Variants in LAMA3 observed in about 807,000 individuals in gnomAD.
LAMA3 encodes the protein laminin subunit alpha-3.
A neutral mutation model predicts 402.0 loss-of-function variants in LAMA3; 281 were observed. That is an observed-to-expected ratio of 0.70 (90% CI 0.63 to 0.77). LAMA3 has a LOEUF of 0.77. LAMA3 is among the 30% of genes least tolerant of loss of function. The pLI is 0.00. For missense variants in LAMA3, 3,840 were observed against 4,215.5 expected (o/e 0.91, Z 2.47); for synonymous variants, 1,431 against 1,558.4 (o/e 0.92, Z 1.93).
intron 39 of LAMA3, among the ~76,000 whole-genome samples, chr18:23,881,612 G>A (rs556935440): frequency 1.1e-3 from 173 of 152,326 alleles, no homozygotes; most frequent in Non-Finnish European, 2.0e-3. Flanking sequence ...ATTGATATAA[G>A]TAAAATTGAT....
At chr18:23,845,195 A>G (rs1484693722) in intron 30 of LAMA3, 71 bp downstream of exon 30, 13 of 895,110 alleles carry the variant, frequency 1.5e-5, no homozygotes, top group Non-Finnish European at 2.1e-5. Flanking sequence ...CTCGAGGCCC[A>G]GGGAGGGGCT....
intron 55 of LAMA3, among the ~76,000 whole-genome samples, chr18:23,910,581 G>A (rs1442198733): frequency 1.3e-5 from 2 of 152,226 alleles, no homozygotes; most frequent in Non-Finnish European, 2.9e-5. Context: ...GGATAGAGGT[G>A]TGTTATGTGT....
intron 5 of LAMA3, among the ~76,000 whole-genome samples, chr18:23,751,316 G>T (rs955211311): frequency 6.6e-6 from 1 of 152,060 alleles, no homozygotes; most frequent in Admixed American, 6.6e-5. Context: ...AAAGGCAAAT[G>T]ATTATAGTCA....
chr18:23,842,357 G>A (rs770518558), intron 27 of LAMA3, 38 bp from the exon 28 acceptor site: 5 of 1,613,382 alleles, frequency 3.1e-6, no homozygotes, highest in East Asian at 4.5e-5. Flanking sequence ...TCAGCTTGAG[G>A]GTTTTTAATT....
In LAMA3 at chr18:23,777,473, G is replaced by A; in HGVS notation, c.1406-84G>A. On this transcript the variant is annotated intron_variant, in intron 10 of 74. Coordinates refer to ENST00000313654, the MANE Select transcript of LAMA3 (RefSeq NM_198129.4). ...TACTTTTCACTAAGTGACAGAGGGT[G>A]TCTTCCTAGTTAGTACAACTTAATG... is the stretch of plus-strand genomic sequence containing the variant. 4 of 917,610 alleles carry A rather than the reference G, an allele frequency of 4.4e-6. No homozygotes were observed. In the Admixed American group the frequency reaches 6.9e-5, roughly 16 times the overall value. The allele number at this position is 917,610 out of a possible 1,614,324, so 56.8% of individuals were successfully genotyped here. A position where few individuals can be genotyped will look rare whatever the true frequency, so the allele number is the denominator to read the frequency against.
chr18:23,810,578 G>A, intron 13 of LAMA3, 75 bp downstream of exon 13: 1 of 1,556,074 alleles, frequency 6.4e-7, no homozygotes, highest in Non-Finnish European at 8.9e-7. Flanking sequence ...AGAGAAGCCT[G>A]CAAATCCCCC....
At chr18:23,825,493 C>T (rs1239327311) in intron 21 of LAMA3, among the ~76,000 whole-genome samples, 2 of 152,194 alleles carry the variant, frequency 1.3e-5, no homozygotes, top group African/African-American at 4.8e-5. Flanking sequence ...CCAGTTGCTT[C>T]TTCCATACAA....
chr18:23,861,822 C>T lies in LAMA3; in HGVS notation c.4584+15C>T. 4 of 1,607,376 alleles carry T rather than the reference C, an allele frequency of 2.5e-6. No homozygotes were observed. The highest frequency in any genetic ancestry group is 3.4e-6 in the Non-Finnish European group (4 of 1,176,392). On this transcript the variant is annotated intron_variant, in intron 35 of 74. Transcript: ENST00000313654. ...TGGGGGACAAGGTAATGATGTCCTG[C>T]TGTTCTTCTGGGCCCTCAGTGGGCC...
chr18:23,886,080 C>G (rs937879159), intron 41 of LAMA3, among the ~76,000 whole-genome samples: 23 of 152,216 alleles, frequency 1.5e-4, no homozygotes, highest in African/African-American at 5.1e-4. Context: ...CCATTATCTC[C>G]TACTCTTGGT....
intron 2 of LAMA3, among the ~76,000 whole-genome samples, chr18:23,744,693 G>A (rs1029294444): frequency 6.6e-6 from 1 of 151,818 alleles, no homozygotes; most frequent in African/African-American, 2.4e-5. Flanking sequence ...TTAGCCGGGC[G>A]TGGTGGCAGG....
At chr18:23,735,121 G>A (rs540621238) in intron 2 of LAMA3, among the ~76,000 whole-genome samples, 3 of 152,358 alleles carry the variant, frequency 2.0e-5, no homozygotes, top group African/African-American at 7.2e-5. Context: ...TAGACTGCAT[G>A]TGACTCCCCC....
Position 23,753,813 on chromosome 18 carries a change from G to C in LAMA3, c.947+1G>C. On this transcript the variant is annotated splice_donor_variant, in intron 6 of 74. Coordinates refer to ENST00000313654, the MANE Select transcript of LAMA3 (RefSeq NM_198129.4). LOFTEE classifies it high-confidence loss of function. ...GCAATATAAACAATCCTGAAAAACT[G>C]TAAGTACACTGTACAGATTTTTTTC... is the stretch of plus-strand genomic sequence containing the variant. 6.2e-7 allele frequency: 1 copy of C among 1,604,086 alleles called. No homozygotes were observed. The highest frequency in any genetic ancestry group is 1.1e-5 in the South Asian group (1 of 90,828).
intron 17 of LAMA3, among the ~76,000 whole-genome samples, 154 bp from the exon 18 acceptor site, chr18:23,816,234 C>T (rs2144344895): frequency 6.6e-6 from 1 of 152,232 alleles, no homozygotes; most frequent in South Asian, 2.1e-4. Context: ...TGGGAGTTTC[C>T]AAGATTTCAA....
chr18:23,894,679 G>A (rs1268767827), intron 43 of LAMA3, among the ~76,000 whole-genome samples: 1 of 152,194 alleles, frequency 6.6e-6, no homozygotes, highest in East Asian at 1.9e-4. Context: ...TTTTCCTTAT[G>A]TGTAAAGTAA....
chr18:23,864,830 G>C lies in LAMA3; in HGVS notation c.4630G>C (p.Gly1544Arg), dbSNP rs772410426. Residue 1544 changes from glycine (G) to arginine (R), a missense_variant, in exon 36 of 75, where the codon GGC becomes CGC. Physicochemically the swap from Gly to Arg is moderately radical, Grantham distance 125. This residue lies in a region of LAMA3 where 2,109 missense variants were observed against 2,376.0 expected (regional missense o/e 0.89). Transcript: ENST00000313654. ...GYLTYQAKSF[G>R]LPGDMVLLEK... is the part of the protein sequence containing the mutation. ...CCTCACTTACCAAGCCAAGTCCTTT[G>C]GCTTGCCTGGCGACATGGTTCTTCT... 6.2e-7 allele frequency: 1 copy of C among 1,613,784 alleles called. No homozygotes were observed. The highest frequency in any genetic ancestry group is 1.1e-5 in the South Asian group (1 of 91,056).
At position 23,908,586 on chromosome 18, in the gene LAMA3, AG is replaced by A. The variant is rs1485958772; in HGVS notation, c.7016-565del. On this transcript the variant is annotated intron_variant, in intron 54 of 74. Transcript: ENST00000313654. ...AGAAAGAAAAAGAATCAGAAAACAAAGGTTTTTTTTTTTCTTTCTGTAGTGG... is the reference window on the plus strand; with the variant it reads ...AGAAAGAAAAAGAATCAGAAAACAAAGTTTTTTTTTTTCTTTCTGTAGTGG... Among the ~76,000 whole-genome samples, 16 of 151,408 alleles carry A rather than the reference AG, an allele frequency of 1.1e-4. No homozygotes were observed. In the East Asian group the frequency reaches 2.7e-3, roughly 26 times the overall value.
intron 1 of LAMA3, among the ~76,000 whole-genome samples, chr18:23,705,390 C>CATCT (rs1004021386): frequency 6.6e-6 from 1 of 151,746 alleles, no homozygotes; most frequent in African/African-American, 2.4e-5. Context: ...ATATTGCATA[C>CATCT]ATCTGCCCAC....
Position 23,827,458 on chromosome 18 carries a change from C to A in LAMA3, c.2814C>A (p.Ser938Arg). ...TPAHPVMVDL[S>R]GREVELHLRL... is the part of the protein sequence containing the mutation. The stretch of plus-strand genomic sequence containing the variant: ...CACACCCTGTCATGGTGGACCTCAG[C>A]GGGAGAGAGGTGGGCCAGCCTTTTA... The change falls in exon 23 of 75, where the codon AGC (serine) becomes AGA (arginine). Residue 938 changes from serine (S) to arginine (R), a missense_variant. By Grantham distance (110) the Ser-to-Arg change is moderately radical. Coordinates refer to ENST00000313654, the MANE Select transcript of LAMA3 (RefSeq NM_198129.4). The A allele has an allele frequency of 6.2e-7, 1 of 1,614,062 alleles. No individual in the cohort carries two copies. Among genetic ancestry groups the A allele is most frequent in the Non-Finnish European group, 8.5e-7 (1 of 1,180,022 alleles).
At chr18:23,906,776 C>T (rs943875580) in intron 52 of LAMA3, among the ~76,000 whole-genome samples, 5 of 152,186 alleles carry the variant, frequency 3.3e-5, no homozygotes, top group Non-Finnish European at 7.3e-5. Context: ...ATCTATTTCT[C>T]TCTACAAAAT....
Sources: gnomAD v4.1 joint callset for allele counts (sites outside exome capture counted in the v4.1 genomes callset) on GRCh38, gnomAD v4.1.1 for gene constraint, gnomAD v4.1.1 regional missense constraint, MANE v1.5 for transcripts, NCBI Gene and HGNC (gene_info 2026-07-23, HGNC 2026-07-21) for gene names.